Variants in NTM observed in about 807,000 individuals in gnomAD.
The protein encoded by NTM is IgLON family member 2.
In NTM, 13 loss-of-function variants were observed where a neutral mutation model predicts 42.1. The observed-to-expected ratio is 0.31, with a 90% CI of 0.20 to 0.49. NTM has a LOEUF of 0.49. Among genes scored for constraint, NTM ranks in the 20% least tolerant of loss-of-function variants. The pLI, the probability that NTM is intolerant of heterozygous loss-of-function variation, is 0.99. For missense variants in NTM, 373 were observed against 452.8 expected (o/e 0.82, Z 1.60); for synonymous variants, 187 against 179.2 (o/e 1.04, Z -0.35).
At chr11:132,079,285 C>G (rs781504853) in intron 2 of NTM, among the ~76,000 whole-genome samples, 1 of 152,186 alleles carries the variant, frequency 6.6e-6, no homozygotes, top group African/African-American at 2.4e-5. Flanking sequence ...CTCTCATAAT[C>G]CTTATCAGAA....
intron 4 of NTM, among the ~76,000 whole-genome samples, chr11:132,261,435 C>T (rs2092848515): frequency 6.6e-6 from 1 of 152,178 alleles, no homozygotes; most frequent in Non-Finnish European, 1.5e-5. Flanking sequence ...GCAGCTTCCT[C>T]CTCCCTTTTG....
chr11:132,228,114 A>G (rs1472313637), intron 4 of NTM, among the ~76,000 whole-genome samples: 1 of 152,218 alleles, frequency 6.6e-6, no homozygotes, highest in Non-Finnish European at 1.5e-5. Context: ...CTCCTTGTCC[A>G]GGAGAAGCTC....
chr11:132,133,933 C>T lies in NTM; in HGVS notation c.168-12349C>T, dbSNP rs185070626. ...ACAGCTGACTCTAGTCTTTCTTCCT[C>T]GGTGTTCTCTCTCTGCTCTCATCAG... On this transcript the variant is annotated intron_variant, in intron 2 of 8. Coordinates refer to ENST00000683400, the MANE Select transcript of NTM (RefSeq NM_001352005.2). Among the ~76,000 whole-genome samples the T allele has an allele frequency of 4.5e-4, 69 of 152,336 alleles. 1 individual carries two copies. The East Asian group carries it at 9.6e-3, about 21-fold the overall frequency.
intron 1 of NTM, among the ~76,000 whole-genome samples, chr11:131,401,838 A>G (rs186214942): frequency 0.034 from 3,180 of 92,992 alleles, 237 homozygotes; most frequent in Non-Finnish European, 0.043. Flanking sequence ...ATATATATAT[A>G]TATATATATA....
intron 3 of NTM, among the ~76,000 whole-genome samples, chr11:132,185,351 T>C (rs1031264972): frequency 6.6e-6 from 1 of 152,254 alleles, no homozygotes; most frequent in African/African-American, 2.4e-5. Context: ...TGTGTGCCTC[T>C]TCTCTCACTT....
chr11:131,385,548 G>A (rs913610732), intron 1 of NTM, among the ~76,000 whole-genome samples: 1 of 152,114 alleles, frequency 6.6e-6, no homozygotes, highest in Non-Finnish European at 1.5e-5. Flanking sequence ...AAAGAGTTTG[G>A]GGGTTTCTCA....
chr11:132,297,020 C>T lies in NTM; in HGVS notation c.527-10669C>T, dbSNP rs116410055. Among the ~76,000 whole-genome samples, 264 of 152,312 alleles carry T rather than the reference C, an allele frequency of 1.7e-3. 1 individual carries two copies. The highest frequency in any genetic ancestry group is 5.6e-3 in the African/African-American group (231 of 41,572). On this transcript the variant is annotated intron_variant, in intron 4 of 8. Coordinates refer to ENST00000683400, the MANE Select transcript of NTM (RefSeq NM_001352005.2). ...TACAAGGGCTTTCAGTCATGTCTCCCTTTCTCCTGAGGCCCAAACAATCCT... is the reference window on the plus strand; with the variant it reads ...TACAAGGGCTTTCAGTCATGTCTCCTTTTCTCCTGAGGCCCAAACAATCCT...
chr11:131,508,926 C>T (rs1368102270), intron 1 of NTM, among the ~76,000 whole-genome samples: 2 of 139,336 alleles, frequency 1.4e-5, no homozygotes, highest in African/African-American at 5.4e-5. Context: ...GGGAGATATA[C>T]CTAATGCTAG....
intron 1 of NTM, among the ~76,000 whole-genome samples, chr11:131,540,118 A>C (rs2052978093): frequency 6.7e-6 from 1 of 150,136 alleles, no homozygotes; most frequent in Non-Finnish European, 1.5e-5. Context: ...AACATTTCTG[A>C]AAACAGGACT....
At chr11:131,849,755 G>T (rs981128629) in intron 1 of NTM, among the ~76,000 whole-genome samples, 1 of 148,358 alleles carries the variant, frequency 6.7e-6, no homozygotes, top group Non-Finnish European at 1.5e-5. Context: ...TTCATCTCTG[G>T]TTGCCGGTTA....
At chr11:131,806,769 G>A (rs1187656407) in intron 1 of NTM, among the ~76,000 whole-genome samples, 1 of 152,098 alleles carries the variant, frequency 6.6e-6, no homozygotes, top group Non-Finnish European at 1.5e-5. Context: ...AGAAAAACCA[G>A]TCCAATTCAA....
intron 1 of NTM, among the ~76,000 whole-genome samples, chr11:131,595,436 A>C (rs1168576780): frequency 1.3e-5 from 2 of 152,238 alleles, no homozygotes; most frequent in African/African-American, 4.8e-5. Context: ...TAAATAGTGA[A>C]GAAAGATGTG....
intron 7 of NTM, among the ~76,000 whole-genome samples, chr11:132,319,143 C>T (rs925710261): frequency 1.3e-5 from 2 of 152,158 alleles, no homozygotes; most frequent in Admixed American, 1.3e-4. Flanking sequence ...AGCTGAGGAG[C>T]CAAGATGGCC....
At position 131,491,506 on chromosome 11, in the gene NTM, C is replaced by G. The variant is rs372131642; in HGVS notation, c.82+120618C>G. On this transcript the variant is annotated intron_variant, in intron 1 of 8. Coordinates refer to ENST00000683400, the MANE Select transcript of NTM (RefSeq NM_001352005.2). ...AATTTTATATTTGTAATTGCATATTCTTTTCTTAAAGAGCACCTCAAAATG... is the reference window on the plus strand; with the variant it reads ...AATTTTATATTTGTAATTGCATATTGTTTTCTTAAAGAGCACCTCAAAATG... Among the ~76,000 whole-genome samples the G allele has an allele frequency of 2.7e-5, 4 of 150,352 alleles. No homozygotes were observed. In the East Asian group the frequency reaches 7.7e-4, roughly 29 times the overall value.
chr11:131,986,890 C>G (rs1425818618), intron 2 of NTM, among the ~76,000 whole-genome samples: 1 of 152,040 alleles, frequency 6.6e-6, no homozygotes, highest in Non-Finnish European at 1.5e-5. Flanking sequence ...CTGACACATT[C>G]CAACATAATT....
At chr11:132,315,031 G>A in intron 7 of NTM, 1 of 1,096,120 alleles carries the variant, frequency 9.1e-7, no homozygotes, top group African/African-American at 1.6e-5. Context: ...TAATGGAAAA[G>A]ATCCCGAGAT....
chr11:131,668,488 CCGCGTGGCCA>C (rs2069514840), intron 1 of NTM, among the ~76,000 whole-genome samples: 1 of 152,122 alleles, frequency 6.6e-6, no homozygotes, highest in African/African-American at 2.4e-5. Flanking sequence ...AGGACAGCAC[CCGCGTGGCCA>C]CCGAAACAAG....
intron 1 of NTM, among the ~76,000 whole-genome samples, chr11:131,429,656 T>A (rs984536666): frequency 6.6e-6 from 1 of 152,214 alleles, no homozygotes; most frequent in Non-Finnish European, 1.5e-5. Flanking sequence ...TGTTTCCATA[T>A]ATGCTATTTG....
At chr11:131,938,846 TCCAAGAGCTGA>T (rs1252426845) in intron 2 of NTM, among the ~76,000 whole-genome samples, 2 of 152,166 alleles carry the variant, frequency 1.3e-5, no homozygotes, top group East Asian at 3.9e-4. Flanking sequence ...CAGGATGACT[TCCAAGAGCTGA>T]CTCAAGCACC....
Sources: gnomAD v4.1 joint callset for allele counts (sites outside exome capture counted in the v4.1 genomes callset) on GRCh38, gnomAD v4.1.1 for gene constraint, MANE v1.5 for transcripts, NCBI Gene and HGNC (gene_info 2026-07-23, HGNC 2026-07-21) for gene names.